The following DDX19B variants were observed in gnomAD, a reference collection of about 807,000 sequenced individuals.
DDX19B encodes DEAD-box helicase 19B.
In DDX19B, 27 loss-of-function variants were observed where a neutral mutation model predicts 58.1. The ratio of observed to expected loss-of-function variants is 0.46; its 90% CI spans 0.34 to 0.64. The LOEUF (loss-of-function observed/expected upper bound fraction) is 0.64, where lower values mean the gene tolerates loss of function less well. Ranked by LOEUF, DDX19B falls within the 30% of genes least tolerant of loss-of-function variation. DDX19B has a pLI of 0.01. For missense variants in DDX19B, 399 were observed against 596.5 expected, an observed-to-expected ratio of 0.67 and a Z score of 3.45; for synonymous variants, 187 against 214.4, an observed-to-expected ratio of 0.87 and a Z score of 1.12.
intron 7 of DDX19B, among the ~76,000 whole-genome samples, chr16:70,327,858 A>C (rs1963254552): frequency 1.3e-5 from 2 of 152,254 alleles, no homozygotes; most frequent in East Asian, 3.9e-4. Context: ...AGTAATTTTA[A>C]AAGTGTTGTT....
At position 70,299,351 on chromosome 16, in the gene DDX19B, G is replaced by A; in HGVS notation, c.54G>A (p.Glu18=). The change falls in exon 1 of 12, where the codon GAG becomes GAA. Residue 18 remains glutamate (E), a synonymous_variant. Transcript: ENST00000288071. ...LAVDEQEAAA[E]SLSNLHLKEE... ...TGGACGAGCAGGAAGCTGCGGCTGA[G>A]TCGGTGAGTTGGCTTCAGCCCTAAA... is the stretch of plus-strand genomic sequence containing the variant. 2.5e-6 allele frequency: 4 copies of A among 1,608,384 alleles called. No homozygotes were observed. Among genetic ancestry groups the A allele is most frequent in the Non-Finnish European group, 2.5e-6 (3 of 1,177,748 alleles).
chr16:70,299,111 G>A (rs1200766037), upstream of DDX19B: 2 of 1,327,412 alleles, frequency 1.5e-6, no homozygotes, highest in African/African-American at 3.0e-5. Context: ...CAACAGAATC[G>A]ACAGCCTCAA....
In DDX19B at chr16:70,329,873, C is replaced by T. The variant is rs1963388063; in HGVS notation, c.828C>T (p.Thr276=). ...GCCAGATGCTGCTTTTCTCCGCCAC[C>T]TTTGAAGACTCTGTGTGGAAGTTTG... ...RNCQMLLFSA[T]FEDSVWKFAQ... The change falls in exon 9 of 12, where the codon ACC becomes ACT. Residue 276 remains threonine, a synonymous_variant. Transcript: ENST00000288071. 1 of 1,614,210 alleles carries T rather than the reference C, an allele frequency of 6.2e-7. No homozygotes were observed. Among genetic ancestry groups the T allele is most frequent in the East Asian group, 2.2e-5 (1 of 44,882 alleles).
rs532175736 is a variant in DDX19B, at chr16:70,334,632, A to T, written c.*1050A>T. ...TCTTGATTATAAAGGGCTTCTGAAC[A>T]TCTGTGTTTACTGCCTTTGGAATAC... is the stretch of plus-strand genomic sequence containing the variant. On this transcript the variant is annotated 3_prime_UTR_variant, in exon 12 of 12. Transcript: ENST00000288071. 1.3e-5 allele frequency: 2 copies of T among 152,306 alleles called. No individual in the cohort carries two copies. Among genetic ancestry groups the T allele is most frequent in the South Asian group, 4.1e-4 (2 of 4,824 alleles). 9.4% of individuals were successfully genotyped at this position (152,306 alleles called of 1,614,324 possible).
intron 1 of DDX19B, among the ~76,000 whole-genome samples, chr16:70,304,936 T>G (rs889985734): frequency 6.6e-6 from 1 of 152,146 alleles, no homozygotes; most frequent in South Asian, 2.1e-4. Flanking sequence ...ATCCTCATCA[T>G]TTGGAGGATA....
chr16:70,327,061 G>C (rs370904870), intron 7 of DDX19B, among the ~76,000 whole-genome samples: 97 of 149,496 alleles, frequency 6.5e-4, no homozygotes, highest in African/African-American at 1.4e-3. Flanking sequence ...GTCTCTATCT[G>C]CTGACCTCGT....
chr16:70,329,206 G>C (rs1193098088), intron 7 of DDX19B, 86 bp from the exon 8 acceptor site: 20 of 1,495,108 alleles, frequency 1.3e-5, no homozygotes, highest in African/African-American at 6.2e-5. Flanking sequence ...CTGGGCAACA[G>C]AGTGAGACTC....
Position 70,332,599 on chromosome 16 carries a change from C to A in DDX19B, c.1187-369C>A, listed in dbSNP as rs189877868. ...TACCGGTATGAGCCACCGCACTCGGCCCCCCAAATTCTTTCCCTTTACCCG... is the reference window on the plus strand; with the variant it reads ...TACCGGTATGAGCCACCGCACTCGGACCCCCAAATTCTTTCCCTTTACCCG... On this transcript the variant is annotated intron_variant, in intron 10 of 11. Coordinates refer to ENST00000288071, the MANE Select transcript of DDX19B (RefSeq NM_007242.7). Among the ~76,000 whole-genome samples, 14 of 152,222 alleles carry A rather than the reference C, an allele frequency of 9.2e-5. No homozygotes were observed. In the East Asian group the frequency reaches 2.7e-3, roughly 29 times the overall value.
rs1963625854 is a variant in DDX19B at position 70,334,300 on chromosome 16, G to A, written c.*718G>A. On this transcript the variant is annotated 3_prime_UTR_variant, in exon 12 of 12. Transcript: ENST00000288071. ...GATTATTGGTGGGTCCTGTGCCTGT[G>A]CTTAAGCAAGTCCTGTGGAGAAGTC... The A allele has an allele frequency of 6.6e-6, 1 of 152,298 alleles. No individual in the cohort carries two copies. The highest frequency in any genetic ancestry group is 2.1e-4 in the South Asian group (1 of 4,824). The allele number at this position is 152,298 out of a possible 1,614,324, so 9.4% of individuals were successfully genotyped here. A position where few individuals can be genotyped will look rare whatever the true frequency, so the allele number is the denominator to read the frequency against.
At chr16:70,304,944 A>G (rs1411618982) in intron 1 of DDX19B, among the ~76,000 whole-genome samples, 1 of 151,716 alleles carries the variant, frequency 6.6e-6, no homozygotes, top group African/African-American at 2.4e-5. Context: ...CATTTGGAGG[A>G]TATTTTTCTT....
chr16:70,296,048 A>G (rs535229181), upstream of DDX19B, among the ~76,000 whole-genome samples: 1 of 137,426 alleles, frequency 7.3e-6, no homozygotes, highest in African/African-American at 2.8e-5. Flanking sequence ...TCTGTTGCCC[A>G]GGCTGGAGTG....
chr16:70,318,104 G>A (rs1962538269), intron 5 of DDX19B, among the ~76,000 whole-genome samples: 1 of 148,872 alleles, frequency 6.7e-6, no homozygotes, highest in Non-Finnish European at 1.5e-5. Flanking sequence ...CAGGTGCAGT[G>A]GCTCATGCCT....
At chr16:70,315,297 G>C (rs1962319390) in intron 3 of DDX19B, among the ~76,000 whole-genome samples, 1 of 148,568 alleles carries the variant, frequency 6.7e-6, no homozygotes, top group East Asian at 2.0e-4. Context: ...TGAGGCAGAA[G>C]AATGGCATGA....
chr16:70,331,037 T>C (rs1963454647), intron 9 of DDX19B, among the ~76,000 whole-genome samples: 1 of 152,100 alleles, frequency 6.6e-6, no homozygotes, highest in South Asian at 2.1e-4. Flanking sequence ...AGATCCTGTC[T>C]CAAAAAATTT....
chr16:70,332,864 C>T (rs983703592), intron 10 of DDX19B, 104 bp from the exon 11 acceptor site: 26 of 1,600,702 alleles, frequency 1.6e-5, no homozygotes, highest in East Asian at 4.5e-5. Flanking sequence ...CTCTTAGTGC[C>T]GTGTTCCCTT....
At chr16:70,332,479 T>G (rs902354772) in intron 10 of DDX19B, among the ~76,000 whole-genome samples, 8 of 152,088 alleles carry the variant, frequency 5.3e-5, no homozygotes, top group Admixed American at 5.2e-4. Flanking sequence ...TTTTGTATTT[T>G]CAGTACAGAT....
upstream of DDX19B, among the ~76,000 whole-genome samples, chr16:70,297,716 T>C (rs546875860): frequency 1.7e-4 from 26 of 152,242 alleles, no homozygotes; most frequent in Admixed American, 1.6e-3. Flanking sequence ...AAGATATTTC[T>C]TCCTATTTAT....
At chr16:70,292,156 C>T (rs1291213201), upstream of DDX19B, among the ~76,000 whole-genome samples, 1 of 151,992 alleles carries the variant, frequency 6.6e-6, no homozygotes, top group East Asian at 1.9e-4. Flanking sequence ...TTGTCTCTCT[C>T]TCTTTTTTTT....
Position 70,316,003 on chromosome 16 carries a change from G to C in DDX19B, c.195G>C (p.Leu65=). The C allele has an allele frequency of 6.2e-7, 1 of 1,614,024 alleles. No homozygotes were observed. Among genetic ancestry groups the C allele is most frequent in the South Asian group, 1.1e-5 (1 of 91,074 alleles). Residue 65 remains leucine, a synonymous_variant, in exon 4 of 12, where the codon CTG becomes CTC. Coordinates refer to ENST00000288071, the MANE Select transcript of DDX19B (RefSeq NM_007242.7). The part of the protein sequence containing the change: ...DRAAQSLLNK[L]IRSNLVDNTN... ...CTGCCCAGTCCTTACTCAACAAGCT[G>C]ATCAGAAGCAACCTTGTTGATAACA...
Sources: gnomAD v4.1 joint callset for allele counts (sites outside exome capture counted in the v4.1 genomes callset) on GRCh38, gnomAD v4.1.1 for gene constraint, MANE v1.5 for transcripts, NCBI Gene and HGNC (gene_info 2026-07-23, HGNC 2026-07-21) for gene names.